MTUS2: variants seen among roughly 807,000 people sequenced by gnomAD.
MTUS2 encodes microtubule-associated tumor suppressor candidate 2.
In MTUS2, 40 loss-of-function variants were observed where a neutral mutation model predicts 114.1. That is an observed-to-expected ratio of 0.35 (90% CI 0.27 to 0.46). MTUS2 has a LOEUF of 0.46. Ranked by LOEUF, MTUS2 falls within the 20% of genes least tolerant of loss-of-function variation. MTUS2 has a pLI of 1.00. For missense variants in MTUS2, 1,679 were observed against 1,705.4 expected, an observed-to-expected ratio of 0.98 and a Z score of 0.27; for synonymous variants, 688 against 672.0, an observed-to-expected ratio of 1.02 and a Z score of -0.37.
chr13:29,001,078 C>G (rs1247685866), intron 2 of MTUS2, among the ~76,000 whole-genome samples: 3 of 152,212 alleles, frequency 2.0e-5, no homozygotes, highest in African/African-American at 7.2e-5. Context: ...TTCCCTCTCA[C>G]AGTCATTATT....
intron 2 of MTUS2, among the ~76,000 whole-genome samples, chr13:29,020,523 C>T (rs1886249602): frequency 6.6e-6 from 1 of 152,094 alleles, no homozygotes. Context: ...CGCGTGAGGC[C>T]ACATAAGGAG....
At chr13:29,016,513 C>T (rs1461454539) in intron 2 of MTUS2, among the ~76,000 whole-genome samples, 4 of 151,970 alleles carry the variant, frequency 2.6e-5, no homozygotes, top group East Asian at 1.9e-4. Context: ...CTAAGAAAAA[C>T]CATTACCCCC....
intron 5 of MTUS2, among the ~76,000 whole-genome samples, chr13:29,235,903 A>G (rs945293916): frequency 2.0e-5 from 3 of 152,160 alleles, no homozygotes; most frequent in African/African-American, 7.2e-5. Context: ...TTAGCCTACT[A>G]AGGTGTTCCA....
At chr13:29,470,755 T>C (rs75062499) in intron 9 of MTUS2, among the ~76,000 whole-genome samples, 3,093 of 151,466 alleles carry the variant, frequency 0.02, 100 homozygotes, top group African/African-American at 0.072. Context: ...TTCACCTCCT[T>C]CTGCTCTCCT....
intron 9 of MTUS2, among the ~76,000 whole-genome samples, chr13:29,477,663 G>A (rs1880804797): frequency 6.6e-6 from 1 of 152,158 alleles, no homozygotes; most frequent in South Asian, 2.1e-4. Flanking sequence ...ATTATTAGCA[G>A]ACAAGCAAAA....
chr13:29,355,859 A>C (rs1869693791), intron 7 of MTUS2, among the ~76,000 whole-genome samples: 1 of 152,212 alleles, frequency 6.6e-6, no homozygotes, highest in Non-Finnish European at 1.5e-5. Context: ...GAAATTGGCA[A>C]TTCTACTCTA....
At chr13:28,976,871 T>G (rs1485315861) in intron 2 of MTUS2, among the ~76,000 whole-genome samples, 1 of 152,224 alleles carries the variant, frequency 6.6e-6, no homozygotes, top group African/African-American at 2.4e-5. Flanking sequence ...GCTATGCTAA[T>G]CATGACTGTA....
At chr13:29,439,465 T>C (rs1158133051) in intron 8 of MTUS2, among the ~76,000 whole-genome samples, 1 of 152,222 alleles carries the variant, frequency 6.6e-6, no homozygotes, top group African/African-American at 2.4e-5. Flanking sequence ...TTGGTGGTAT[T>C]ACAAAGAGAA....
intron 2 of MTUS2, among the ~76,000 whole-genome samples, chr13:28,972,935 A>G (rs894345584): frequency 2.0e-5 from 3 of 152,134 alleles, no homozygotes; most frequent in Admixed American, 6.6e-5. Context: ...TTCCCCCAAT[A>G]AAACTGCTAG....
intron 5 of MTUS2, among the ~76,000 whole-genome samples, chr13:29,189,098 A>T (rs1255807769): frequency 1.3e-5 from 2 of 152,212 alleles, no homozygotes; most frequent in Non-Finnish European, 2.9e-5. Context: ...GAGCTCAGGA[A>T]TTAGTGTTCC....
At chr13:29,143,199 A>G (rs1892297744) in intron 5 of MTUS2, among the ~76,000 whole-genome samples, 1 of 152,178 alleles carries the variant, frequency 6.6e-6, no homozygotes, top group Non-Finnish European at 1.5e-5. Context: ...AGCCTATTGT[A>G]TTTTACTAGG....
intron 5 of MTUS2, among the ~76,000 whole-genome samples, chr13:29,229,872 T>C (rs1896254873): frequency 7.5e-6 from 1 of 134,186 alleles, no homozygotes; most frequent in South Asian, 2.2e-4. Flanking sequence ...AAAAATTATA[T>C]TTTTTTATGA....
At chr13:29,078,446 T>G (rs899863337) in intron 4 of MTUS2, among the ~76,000 whole-genome samples, 1 of 152,228 alleles carries the variant, frequency 6.6e-6, no homozygotes, top group African/African-American at 2.4e-5. Context: ...GTAAGCCTAT[T>G]CCTGAGCTGA....
At chr13:29,456,555 C>A (rs1438881854) in intron 9 of MTUS2, among the ~76,000 whole-genome samples, 1 of 152,126 alleles carries the variant, frequency 6.6e-6, no homozygotes, top group Non-Finnish European at 1.5e-5. Flanking sequence ...CACCGAAGCA[C>A]ACCAGAGCCA....
intron 8 of MTUS2, among the ~76,000 whole-genome samples, chr13:29,438,484 C>G (rs557745102): frequency 6.6e-6 from 1 of 152,148 alleles, no homozygotes; most frequent in African/African-American, 2.4e-5. Flanking sequence ...GCCACTTTCC[C>G]GTAAACATTA....
chr13:28,881,648 T>A (rs530874455), intron 2 of MTUS2, among the ~76,000 whole-genome samples: 19 of 152,358 alleles, frequency 1.2e-4, no homozygotes, highest in Admixed American at 8.5e-4. Context: ...CTGTTTTTTT[T>A]ATCTTTTTAA....
chr13:29,015,264 TC>T (rs930150760), intron 2 of MTUS2, among the ~76,000 whole-genome samples: 3 of 152,194 alleles, frequency 2.0e-5, no homozygotes, highest in African/African-American at 7.2e-5. Flanking sequence ...CAGAATAACA[TC>T]CTGAGCAAGA....
At chr13:29,167,701 C>T (rs1893376900) in intron 5 of MTUS2, among the ~76,000 whole-genome samples, 1 of 152,094 alleles carries the variant, frequency 6.6e-6, no homozygotes, top group East Asian at 1.9e-4. Flanking sequence ...CCAAAATGCT[C>T]CAAAATCCAA....
At chr13:28,826,452 T>C (rs1356691750) in intron 1 of MTUS2, among the ~76,000 whole-genome samples, 1 of 152,220 alleles carries the variant, frequency 6.6e-6, no homozygotes, top group Non-Finnish European at 1.5e-5. Context: ...ATATGATCTC[T>C]GAGGTCCTCT....
Sources: gnomAD v4.1 joint callset for allele counts (sites outside exome capture counted in the v4.1 genomes callset) on GRCh38, gnomAD v4.1.1 for gene constraint, MANE v1.5 for transcripts, NCBI Gene and HGNC (gene_info 2026-07-23, HGNC 2026-07-21) for gene names.